Variants in DSCAM observed in about 807,000 individuals in gnomAD.
The protein encoded by DSCAM is cell adhesion molecule DSCAM.
In DSCAM, 47 loss-of-function variants were observed where a neutral mutation model predicts 217.7. The ratio of observed to expected loss-of-function variants is 0.22; its 90% CI spans 0.17 to 0.28. DSCAM has a LOEUF of 0.28. Ranked by LOEUF, DSCAM falls within the 10% of genes least tolerant of loss-of-function variation. DSCAM has a pLI of 1.00. For synonymous variants in DSCAM, 1,056 were observed against 1,015.3 expected, an observed-to-expected ratio of 1.04 and a Z score of -0.76; for missense variants, 2,080 against 2,618.3, an observed-to-expected ratio of 0.79 and a Z score of 4.49.
intron 3 of DSCAM, among the ~76,000 whole-genome samples, chr21:40,379,496 T>C (rs1250966140): frequency 6.6e-6 from 1 of 152,218 alleles, no homozygotes; most frequent in Admixed American, 6.5e-5. Context: ...ACTTTCAATA[T>C]TCACCCTGGT....
At chr21:40,381,068 A>AAAAAAAAAAAAAAAAAAAAAAAAAAG (rs2075018268) in intron 3 of DSCAM, among the ~76,000 whole-genome samples, 1 of 148,598 alleles carries the variant, frequency 6.7e-6, no homozygotes, top group Non-Finnish European at 1.5e-5. Flanking sequence ...GTCTCAAAAA[A>AAAAAAAAAAAAAAAAAAAAAAAAAAG]AAAAAAAAAA....
chr21:40,679,471 T>C (rs2090376092), intron 3 of DSCAM, among the ~76,000 whole-genome samples: 1 of 152,352 alleles, frequency 6.6e-6, no homozygotes, highest in South Asian at 2.1e-4. Flanking sequence ...CTCAGCCTTC[T>C]CATCTGTAAA....
intron 2 of DSCAM, among the ~76,000 whole-genome samples, chr21:40,706,657 G>T (rs2090720900): frequency 6.6e-6 from 1 of 152,162 alleles, no homozygotes; most frequent in Admixed American, 6.5e-5. Flanking sequence ...CCCTTCAGCT[G>T]TCAAAGGGTA....
intron 3 of DSCAM, among the ~76,000 whole-genome samples, chr21:40,691,637 T>C (rs1052449445): frequency 6.6e-6 from 1 of 152,254 alleles, no homozygotes; most frequent in Non-Finnish European, 1.5e-5. Context: ...AGCTTAGTAT[T>C]TTTCAACACC....
intron 3 of DSCAM, among the ~76,000 whole-genome samples, chr21:40,380,377 G>A (rs997294627): frequency 3.9e-5 from 6 of 152,136 alleles, no homozygotes; most frequent in Admixed American, 1.3e-4. Flanking sequence ...AAAGAAGCTC[G>A]TAAAACTTAT....
intron 1 of DSCAM, among the ~76,000 whole-genome samples, chr21:40,804,522 T>C (rs1312620381): frequency 6.6e-6 from 1 of 151,722 alleles, no homozygotes; most frequent in African/African-American, 2.4e-5. Context: ...CTATCTCCCC[T>C]CCCCGTTCCC....
intron 3 of DSCAM, among the ~76,000 whole-genome samples, chr21:40,467,758 A>T (rs1344213357): frequency 6.6e-6 from 1 of 152,080 alleles, no homozygotes; most frequent in African/African-American, 2.4e-5. Context: ...AAGCAATTTT[A>T]AAAATAGTAA....
Position 40,144,057 on chromosome 21 carries a change from T to A in DSCAM, c.3259+434A>T, listed in dbSNP as rs1172521766. On this transcript the variant is annotated intron_variant, in intron 17 of 32. Transcript: ENST00000400454. This position sits in a 1 kb window ranked among gnomAD's most constrained non-coding sequence, Gnocchi z 4.8. ...GATCGATCACTGTGCAATCTGAAAA[T>A]TCCTTTTCTCTGTACTCAGAATGCT... 6.6e-6 allele frequency among the ~76,000 whole-genome samples: 1 copy of A among 152,136 alleles called. No individual in the cohort carries two copies. The highest frequency in any genetic ancestry group is 1.5e-5 in the Non-Finnish European group (1 of 68,036).
chr21:40,324,470 G>C (rs1423744470), intron 8 of DSCAM, among the ~76,000 whole-genome samples: 3 of 152,094 alleles, frequency 2.0e-5, no homozygotes, highest in Non-Finnish European at 4.4e-5. Context: ...TGCCTAAAGG[G>C]GAATGTGGTG....
chr21:40,823,136 C>T (rs2091942666), intron 1 of DSCAM, among the ~76,000 whole-genome samples: 3 of 151,552 alleles, frequency 2.0e-5, no homozygotes, highest in Admixed American at 1.3e-4. Context: ...GGTGACAAAG[C>T]GAGACACCAG....
intron 11 of DSCAM, among the ~76,000 whole-genome samples, chr21:40,234,143 GTGATT>G (rs1423354013): frequency 2.6e-5 from 4 of 152,186 alleles, no homozygotes; most frequent in African/African-American, 7.2e-5. Flanking sequence ...TCTTAAAACA[GTGATT>G]TGGTTTTCAC....
chr21:40,738,123 C>T (rs1213967809), intron 1 of DSCAM, among the ~76,000 whole-genome samples: 1 of 152,116 alleles, frequency 6.6e-6, no homozygotes, highest in Non-Finnish European at 1.5e-5. Flanking sequence ...ACCCCCTCCC[C>T]GTAAGTAGCA....
chr21:40,753,752 A>G (rs1459692955), intron 1 of DSCAM, among the ~76,000 whole-genome samples: 1 of 152,250 alleles, frequency 6.6e-6, no homozygotes, highest in African/African-American at 2.4e-5. Flanking sequence ...TGGGGGACCC[A>G]CACCTAATAG....
chr21:40,830,621 T>G (rs1316735648), intron 1 of DSCAM, among the ~76,000 whole-genome samples: 1 of 152,188 alleles, frequency 6.6e-6, no homozygotes, highest in Non-Finnish European at 1.5e-5. Flanking sequence ...CCCGGCTCAA[T>G]GTATGCCTTC....
At chr21:40,184,486 T>C (rs377692634) in intron 14 of DSCAM, among the ~76,000 whole-genome samples, 105 of 152,192 alleles carry the variant, frequency 6.9e-4, no homozygotes, top group African/African-American at 2.4e-3. Context: ...GCTCCAGGGC[T>C]ACATAAACAT....
intron 3 of DSCAM, among the ~76,000 whole-genome samples, chr21:40,590,050 G>A (rs554998534): frequency 1.2e-4 from 19 of 152,232 alleles, no homozygotes; most frequent in Non-Finnish European, 1.9e-4. Flanking sequence ...CAATCAATGG[G>A]AATTAGTAGG....
rs202239320 is a variant in DSCAM, at chr21:40,133,839, C to A, written c.3562+15G>T. The A allele has an allele frequency of 3.1e-6, 5 of 1,588,866 alleles. No homozygotes were observed. In the Admixed American group the frequency reaches 5.2e-5, roughly 17 times the overall value. ...TCCAGCAACTGCTGGGACCCACCGC[C>A]CACCCGTCTCTCACCATCCTCTTTG... On this transcript the variant is annotated intron_variant, in intron 19 of 32. Coordinates refer to ENST00000400454, the MANE Select transcript of DSCAM (RefSeq NM_001389.5).
At chr21:40,221,978 T>C (rs960779404) in intron 11 of DSCAM, among the ~76,000 whole-genome samples, 2 of 152,224 alleles carry the variant, frequency 1.3e-5, no homozygotes, top group Non-Finnish European at 2.9e-5. Flanking sequence ...GTGATTTTCA[T>C]GGAACACATT....
chr21:40,813,327 A>T (rs995207798), intron 1 of DSCAM, among the ~76,000 whole-genome samples: 3 of 152,198 alleles, frequency 2.0e-5, no homozygotes, highest in Non-Finnish European at 4.4e-5. Flanking sequence ...TAACTGTGGT[A>T]TATGAAGACA....
Sources: allele counts gnomAD v4.1 joint callset (sites outside exome capture counted in the v4.1 genomes callset), GRCh38; gene constraint gnomAD v4.1.1; non-coding constraint Gnocchi (gnomAD v3.1); transcripts MANE v1.5; gene names NCBI Gene and HGNC (gene_info 2026-07-23, HGNC 2026-07-21).